The following IP6K3 variants were observed in gnomAD, a reference collection of about 807,000 sequenced individuals.
The protein encoded by IP6K3 is inositol hexakisphosphate kinase 3, also known as ATP:1D-myo-inositol-hexakisphosphate phosphotransferase.
IP6K3 carries 20 observed loss-of-function variants against 28.8 expected under a neutral mutation model. That is an observed-to-expected ratio of 0.70 (90% CI 0.49 to 1.01). The LOEUF is 1.01. Among genes scored for constraint, IP6K3 ranks in the 50% least tolerant of loss-of-function variants. The pLI, the probability that IP6K3 is intolerant of heterozygous loss-of-function variation, is 0.00. For missense variants in IP6K3, 480 were observed against 537.1 expected (o/e 0.89, Z 1.05); for synonymous variants, 213 against 221.3 (o/e 0.96, Z 0.33).
chr6:33,738,257 T>C (rs542025102), intron 1 of IP6K3, among the ~76,000 whole-genome samples: 25 of 152,108 alleles, frequency 1.6e-4, no homozygotes, highest in African/African-American at 5.5e-4. Flanking sequence ...CACACTTGTA[T>C]CCCCAGGGCT....
At chr6:33,725,836 A>T (rs1209081278) in intron 4 of IP6K3, among the ~76,000 whole-genome samples, 1 of 152,148 alleles carries the variant, frequency 6.6e-6, no homozygotes. Flanking sequence ...GGGGGAGTTT[A>T]TGAGTATGTG....
chr6:33,740,409 G>A (rs530061329), intron 1 of IP6K3, among the ~76,000 whole-genome samples: 4 of 152,236 alleles, frequency 2.6e-5, no homozygotes, highest in East Asian at 1.9e-4. Flanking sequence ...CTGATGGGGC[G>A]CAGACACCGA....
intron 1 of IP6K3, among the ~76,000 whole-genome samples, chr6:33,737,388 G>A (rs766609578): frequency 9.2e-5 from 14 of 152,158 alleles, no homozygotes; most frequent in Admixed American, 5.9e-4. Context: ...TGTCACCACC[G>A]AGTTATTAAT....
At chr6:33,750,271 G>T (rs538552748), upstream of IP6K3, among the ~76,000 whole-genome samples, 10 of 152,128 alleles carry the variant, frequency 6.6e-5, no homozygotes, top group Non-Finnish European at 1.3e-4. The surrounding 1 kb of genome is among the most constrained non-coding windows in gnomAD (Gnocchi z 4.3). Flanking sequence ...TCTCCCCAGA[G>T]TGATGTTTAG....
the IP6K3 span, among the ~76,000 whole-genome samples, chr6:33,754,224 G>A: frequency 6.6e-6 from 1 of 152,112 alleles, no homozygotes; most frequent in Non-Finnish European, 1.5e-5. Flanking sequence ...GGACCCAGAT[G>A]TGCAGAGTCT....
In IP6K3 at chr6:33,722,711, C is replaced by G; in HGVS notation, c.*9G>C. On this transcript the variant is annotated 3_prime_UTR_variant, in exon 6 of 6. Coordinates refer to ENST00000293756, the MANE Select transcript of IP6K3 (RefSeq NM_054111.5). ...TAGCCCAGAAGAATCCAGATAAGCC[C>G]AGGAAGTTTCATTCTCCCTCTTGGA... The G allele has an allele frequency of 6.3e-7, 1 of 1,575,978 alleles. No homozygotes were observed. The highest frequency in any genetic ancestry group is 1.4e-5 in the African/African-American group (1 of 73,910).
intron 2 of IP6K3, among the ~76,000 whole-genome samples, chr6:33,731,490 C>G (rs1462293826): frequency 2.0e-5 from 3 of 152,212 alleles, no homozygotes; most frequent in African/African-American, 7.2e-5. Context: ...CCAATAAAAT[C>G]CAAAAGTCAT....
At chr6:33,737,474 T>C (rs564651838) in intron 1 of IP6K3, among the ~76,000 whole-genome samples, 1 of 152,224 alleles carries the variant, frequency 6.6e-6, no homozygotes, top group African/African-American at 2.4e-5. Flanking sequence ...AACGCTCTAA[T>C]TGACCTTCAA....
intron 4 of IP6K3, 78 bp downstream of exon 4, chr6:33,726,653 C>T: frequency 7.1e-7 from 1 of 1,405,870 alleles, no homozygotes. Flanking sequence ...TGTGTGTTTC[C>T]TCTACCCACC....
intron 2 of IP6K3, among the ~76,000 whole-genome samples, chr6:33,730,147 C>T (rs1433865955): frequency 6.6e-6 from 1 of 152,224 alleles, no homozygotes; most frequent in South Asian, 2.1e-4. Flanking sequence ...CCCCCAGCCA[C>T]GTGGTCACCT....
the IP6K3 span, among the ~76,000 whole-genome samples, chr6:33,756,922 C>T: frequency 1.3e-5 from 2 of 152,256 alleles, no homozygotes; most frequent in Non-Finnish European, 2.9e-5. Flanking sequence ...CTTGTAGGTT[C>T]GTGCTGGCTG....
At chr6:33,734,648 CT>C (rs1191957327) in intron 2 of IP6K3, among the ~76,000 whole-genome samples, 2 of 152,244 alleles carry the variant, frequency 1.3e-5, no homozygotes, top group Non-Finnish European at 2.9e-5. Context: ...AGCCCGACCC[CT>C]GCCTGAAGGC....
the IP6K3 span, among the ~76,000 whole-genome samples, chr6:33,751,912 T>G: frequency 6.6e-6 from 1 of 152,230 alleles, no homozygotes; most frequent in Non-Finnish European, 1.5e-5. This position sits in a 1 kb window ranked among gnomAD's most constrained non-coding sequence, Gnocchi z 4.3. Context: ...TGACTGCCCC[T>G]GCATGTGGAC....
Position 33,724,642 on chromosome 6 carries a change from G to A in IP6K3, c.765+799C>T, listed in dbSNP as rs145427354. On this transcript the variant is annotated intron_variant, in intron 5 of 5. Transcript: ENST00000293756. ...CTGGTAGCAAAAAGGAGCAGAAAAGGTGGATTAAGAAGGGGAAATGGCTAA... is the reference window on the plus strand; with the variant it reads ...CTGGTAGCAAAAAGGAGCAGAAAAGATGGATTAAGAAGGGGAAATGGCTAA... 1.1e-3 allele frequency among the ~76,000 whole-genome samples: 166 copies of A among 152,298 alleles called. No homozygotes were observed. The Middle Eastern group carries it at 0.017, about 16-fold the overall frequency.
At chr6:33,757,850 C>T in the IP6K3 span, among the ~76,000 whole-genome samples, 1,338 of 152,348 alleles carry the variant, frequency 8.8e-3, 19 homozygotes, top group African/African-American at 0.03. Context: ...TTTTTCCACT[C>T]TGAGGCGGGC....
intron 1 of IP6K3, among the ~76,000 whole-genome samples, chr6:33,735,871 CTTAT>C (rs1254021080): frequency 2.0e-5 from 3 of 152,092 alleles, no homozygotes; most frequent in African/African-American, 7.2e-5. Context: ...GAGAAGGAGA[CTTAT>C]TTATTTATTT....
upstream of IP6K3, among the ~76,000 whole-genome samples, chr6:33,749,673 G>C (rs1766994925): frequency 6.6e-6 from 1 of 151,774 alleles, no homozygotes. Flanking sequence ...AATGGGAGGT[G>C]TGAGGGGAGC....
Position 33,725,538 on chromosome 6 carries a change from T to TG in IP6K3, c.667dup (p.His223ProfsTer4), listed in dbSNP as rs1272049166. On this transcript the variant is annotated frameshift_variant, in exon 5 of 6. Transcript: ENST00000293756. LOFTEE classifies it high-confidence loss of function. The stretch of plus-strand genomic sequence containing the variant: ...CTTCTCCTCCGATGCATCATCGCCG[T>TG]GCTGCCGGGTCCCCATCTTCAGATC... 3.1e-6 allele frequency: 5 copies of TG among 1,614,048 alleles called. No homozygotes were observed. The highest frequency in any genetic ancestry group is 4.2e-6 in the Non-Finnish European group (5 of 1,180,030).
chr6:33,730,497 C>T (rs1766280755), intron 2 of IP6K3, among the ~76,000 whole-genome samples: 1 of 152,202 alleles, frequency 6.6e-6, no homozygotes, highest in South Asian at 2.1e-4. Flanking sequence ...GTCCCTGAAC[C>T]TGGCATTTTA....
Sources: allele counts gnomAD v4.1 joint callset (sites outside exome capture counted in the v4.1 genomes callset), GRCh38; gene constraint gnomAD v4.1.1; non-coding constraint Gnocchi (gnomAD v3.1); transcripts MANE v1.5; gene names NCBI Gene and HGNC (gene_info 2026-07-23, HGNC 2026-07-21).